The following KCNH8 variants were observed in gnomAD, a reference collection of about 807,000 sequenced individuals.
The protein encoded by KCNH8 is voltage-gated delayed rectifier potassium channel KCNH8.
In KCNH8, 70 loss-of-function variants were observed where a neutral mutation model predicts 103.6. The observed-to-expected ratio is 0.68, with a 90% CI of 0.56 to 0.82. The LOEUF (loss-of-function observed/expected upper bound fraction) is 0.82. Among genes scored for constraint, KCNH8 ranks in the 40% least tolerant of loss-of-function variants. The pLI is 0.00. For synonymous variants in KCNH8, 498 were observed against 489.4 expected, an observed-to-expected ratio of 1.02 and a Z score of -0.23; for missense variants, 1,217 against 1,329.9, an observed-to-expected ratio of 0.92 and a Z score of 1.32.
chr3:19,360,732 TAAAAG>T (rs1453752586), intron 5 of KCNH8, among the ~76,000 whole-genome samples: 5 of 151,990 alleles, frequency 3.3e-5, no homozygotes, highest in African/African-American at 1.2e-4. Context: ...AGAGACAACA[TAAAAG>T]AAATCATTTA....
intron 3 of KCNH8, among the ~76,000 whole-genome samples, chr3:19,299,088 G>A (rs956663474): frequency 9.2e-5 from 14 of 152,110 alleles, no homozygotes; most frequent in Non-Finnish European, 1.6e-4. Context: ...CAACTGAAAG[G>A]TGACACTGAC....
chr3:19,181,722 C>T (rs895846108), intron 1 of KCNH8, among the ~76,000 whole-genome samples: 34 of 152,172 alleles, frequency 2.2e-4, no homozygotes, highest in Admixed American at 7.8e-4. Flanking sequence ...ATAGTTTGTC[C>T]TCATTGTCCC....
intron 2 of KCNH8, among the ~76,000 whole-genome samples, chr3:19,270,538 A>G (rs531482346): frequency 6.6e-6 from 1 of 152,268 alleles, no homozygotes; most frequent in South Asian, 2.1e-4. Context: ...TCACCTGAGT[A>G]GTCTGAGTAC....
intron 1 of KCNH8, among the ~76,000 whole-genome samples, chr3:19,198,872 G>A (rs1490206441): frequency 3.9e-5 from 6 of 151,998 alleles, no homozygotes; most frequent in South Asian, 2.1e-4. Context: ...TTGCAGAAAC[G>A]AGGTACATGT....
At chr3:19,289,519 A>G (rs1343689547) in intron 3 of KCNH8, among the ~76,000 whole-genome samples, 2 of 152,160 alleles carry the variant, frequency 1.3e-5, no homozygotes, top group African/African-American at 4.8e-5. Context: ...TAGGTTTGTC[A>G]AAGATCAGAT....
chr3:19,518,539 G>GTACTT (rs1314119976), intron 15 of KCNH8, among the ~76,000 whole-genome samples: 3 of 151,868 alleles, frequency 2.0e-5, no homozygotes, highest in African/African-American at 7.3e-5. Flanking sequence ...GTCACCTTGG[G>GTACTT]TACTTTACCT....
At chr3:19,176,277 C>T (rs2063398773) in intron 1 of KCNH8, among the ~76,000 whole-genome samples, 1 of 152,102 alleles carries the variant, frequency 6.6e-6, no homozygotes, top group African/African-American at 2.4e-5. Context: ...CTTAGAGAGG[C>T]ACAGCTGTTT....
At chr3:19,528,983 AG>A (rs2069112644) in intron 15 of KCNH8, among the ~76,000 whole-genome samples, 1 of 152,116 alleles carries the variant, frequency 6.6e-6, no homozygotes, top group African/African-American at 2.4e-5. Context: ...AAGTATTAAA[AG>A]AAGTTTGAAG....
chr3:19,533,778 C>A lies in KCNH8; in HGVS notation c.3003C>A (p.Val1001=). The A allele has an allele frequency of 6.2e-7, 1 of 1,614,140 alleles. No homozygotes were observed. The change falls in exon 16 of 16, where the codon GTC becomes GTA. Residue 1001 remains valine (V), a synonymous_variant. Coordinates refer to ENST00000328405, the MANE Select transcript of KCNH8 (RefSeq NM_144633.3). The part of the protein sequence containing the change: ...LDYSPSHYQV[V]QEGHLQFLRC... Reference sequence around the variant, plus strand: ...ATTCACCTTCCCACTACCAGGTTGTCCAAGAAGGTCATTTGCAATTTTTAA... The same window carrying A: ...ATTCACCTTCCCACTACCAGGTTGTACAAGAAGGTCATTTGCAATTTTTAA...
intron 2 of KCNH8, among the ~76,000 whole-genome samples, chr3:19,273,941 A>T (rs1262089084): frequency 1.3e-5 from 2 of 152,160 alleles, no homozygotes; most frequent in Admixed American, 1.3e-4. Flanking sequence ...TGAGAGTGAA[A>T]TTCTTTTTAT....
chr3:19,149,003 G>C (rs748018528), intron 1 of KCNH8, among the ~76,000 whole-genome samples: 1 of 152,126 alleles, frequency 6.6e-6, no homozygotes, highest in Non-Finnish European at 1.5e-5. Flanking sequence ...TGGCTCTCTT[G>C]AGTTCTTGGG....
chr3:19,284,032 C>T (rs1277330359), intron 3 of KCNH8, among the ~76,000 whole-genome samples: 1 of 151,770 alleles, frequency 6.6e-6, no homozygotes, highest in Non-Finnish European at 1.5e-5. Flanking sequence ...CAATTGATGG[C>T]ATGTCTTGCA....
At chr3:19,341,114 A>G (rs1443868637) in intron 3 of KCNH8, among the ~76,000 whole-genome samples, 1 of 152,100 alleles carries the variant, frequency 6.6e-6, no homozygotes, top group Non-Finnish European at 1.5e-5. Context: ...CCACGTGCAC[A>G]GTGGCCTGAC....
chr3:19,358,172 T>TCTTCCTTCCTTCC (rs1295706764), intron 5 of KCNH8, among the ~76,000 whole-genome samples: 2 of 148,662 alleles, frequency 1.3e-5, no homozygotes, highest in Non-Finnish European at 3.0e-5. Context: ...TCCTTCCTTT[T>TCTTCCTTCCTTCC]CTTCCTTCCT....
intron 3 of KCNH8, among the ~76,000 whole-genome samples, chr3:19,341,491 A>G (rs1378480994): frequency 2.0e-5 from 3 of 152,166 alleles, no homozygotes; most frequent in African/African-American, 7.2e-5. Context: ...ATGACAACAG[A>G]TACTTTAAAA....
At chr3:19,150,857 T>G (rs1226809539) in intron 1 of KCNH8, among the ~76,000 whole-genome samples, 1 of 152,150 alleles carries the variant, frequency 6.6e-6, no homozygotes, top group Non-Finnish European at 1.5e-5. Flanking sequence ...CCAGTTTGCA[T>G]GAAATCTGAC....
rs1022128772 is a variant in KCNH8 at position 19,311,366 on chromosome 3, T to C, written c.442+30037T>C. ...AGGTTAAGTAATTTGCCCTAGTGGC[T>C]AGCAAGTGTTGGAGTGACAACTTGA... On this transcript the variant is annotated intron_variant, in intron 3 of 15. Coordinates refer to ENST00000328405, the MANE Select transcript of KCNH8 (RefSeq NM_144633.3). Among the ~76,000 whole-genome samples the C allele has an allele frequency of 3.3e-5, 5 of 151,762 alleles. No homozygotes were observed. The East Asian group carries it at 7.7e-4, about 23-fold the overall frequency.
intron 2 of KCNH8, among the ~76,000 whole-genome samples, chr3:19,262,373 A>G (rs935651378): frequency 6.6e-6 from 1 of 151,924 alleles, no homozygotes; most frequent in Non-Finnish European, 1.5e-5. Flanking sequence ...GTTTTTTTAC[A>G]CTTAGTTATT....
At chr3:19,341,463 C>G (rs2065658972) in intron 3 of KCNH8, among the ~76,000 whole-genome samples, 1 of 152,048 alleles carries the variant, frequency 6.6e-6, no homozygotes, top group South Asian at 2.1e-4. Flanking sequence ...TCATGTCTGA[C>G]TAACTACCTA....
Sources: allele counts gnomAD v4.1 joint callset (sites outside exome capture counted in the v4.1 genomes callset), GRCh38; gene constraint gnomAD v4.1.1; transcripts MANE v1.5; gene names NCBI Gene and HGNC (gene_info 2026-07-23, HGNC 2026-07-21).